TMEM232: variants seen among roughly 807,000 people sequenced by gnomAD.
TMEM232 encodes the protein transmembrane protein 232.
A neutral mutation model predicts 78.8 loss-of-function variants in TMEM232; 80 were observed. The ratio of observed to expected loss-of-function variants is 1.01; its 90% CI spans 0.85 to 1.22. The LOEUF is 1.22. Ranked by LOEUF, TMEM232 falls within the 50% of genes most tolerant of loss-of-function variation. The pLI is 0.00. For synonymous variants in TMEM232, 297 were observed against 254.3 expected (o/e 1.17, Z -1.60); for missense variants, 881 against 742.2 (o/e 1.19, Z -2.17).
At chr5:110,659,476 C>A (rs1029556842) in intron 2 of TMEM232, among the ~76,000 whole-genome samples, 16 of 152,056 alleles carry the variant, frequency 1.1e-4, no homozygotes, top group Non-Finnish European at 2.1e-4. Flanking sequence ...GGGAGAGAAG[C>A]TAATGCAAAG....
chr5:110,684,303 C>A (rs1333464282), intron 1 of TMEM232, among the ~76,000 whole-genome samples: 1 of 151,852 alleles, frequency 6.6e-6, no homozygotes, highest in Non-Finnish European at 1.5e-5. Context: ...ATTAAAATCT[C>A]TGAAGAATCT....
At chr5:110,671,686 G>A (rs111311646) in intron 1 of TMEM232, among the ~76,000 whole-genome samples, 1,989 of 152,202 alleles carry the variant, frequency 0.013, 36 homozygotes, top group African/African-American at 0.045. Context: ...ATAAGTGGGA[G>A]TTGAACACTG....
At chr5:110,423,037 G>A (rs777969274) in intron 13 of TMEM232, among the ~76,000 whole-genome samples, 9 of 152,110 alleles carry the variant, frequency 5.9e-5, no homozygotes, top group African/African-American at 2.2e-4. Flanking sequence ...TAAGCAATGA[G>A]GTATATTTTC....
At chr5:110,571,857 G>A (rs1776979923) in intron 10 of TMEM232, among the ~76,000 whole-genome samples, 1 of 151,886 alleles carries the variant, frequency 6.6e-6, no homozygotes, top group South Asian at 2.1e-4. Flanking sequence ...AGATAAAGGG[G>A]ATCAGATTAA....
chr5:110,635,696 T>C (rs1390969212), intron 5 of TMEM232, among the ~76,000 whole-genome samples: 1 of 151,778 alleles, frequency 6.6e-6, no homozygotes, highest in East Asian at 1.9e-4. Context: ...AAAGACCATA[T>C]ACCACAATTA....
downstream of TMEM232, among the ~76,000 whole-genome samples, chr5:110,415,974 A>AT (rs1278547350): frequency 6.6e-6 from 1 of 152,142 alleles, no homozygotes; most frequent in Non-Finnish European, 1.5e-5. Context: ...TTTTATTTTT[A>AT]TTTTGGCTTT....
intron 12 of TMEM232, among the ~76,000 whole-genome samples, chr5:110,439,237 T>C (rs1758765879): frequency 6.6e-6 from 1 of 152,184 alleles, no homozygotes; most frequent in Admixed American, 6.6e-5. Flanking sequence ...TGAAACAGTT[T>C]CCTTGGCTAC....
Position 110,527,433 on chromosome 5 carries a change from T to C in TMEM232, c.1703+1155A>G, listed in dbSNP as rs946049041. ...AGTCAAGTGAAAAATAAATAATAAATACATAAGAAAGTATATATTCAGGAA... is the reference window on the plus strand; with the variant it reads ...AGTCAAGTGAAAAATAAATAATAAACACATAAGAAAGTATATATTCAGGAA... On this transcript the variant is annotated intron_variant, in intron 12 of 13. Transcript: ENST00000455884. 7.2e-5 allele frequency among the ~76,000 whole-genome samples: 11 copies of C among 151,856 alleles called. No homozygotes were observed. The East Asian group carries it at 1.9e-3, about 27-fold the overall frequency.
intron 12 of TMEM232, among the ~76,000 whole-genome samples, chr5:110,516,853 A>T (rs548049520): frequency 8.7e-4 from 132 of 152,162 alleles, no homozygotes; most frequent in African/African-American, 3.1e-3. Flanking sequence ...TTTGGAAAAA[A>T]TTATGGGTCA....
chr5:110,583,424 G>T (rs1157592272), intron 10 of TMEM232, among the ~76,000 whole-genome samples: 2 of 151,674 alleles, frequency 1.3e-5, no homozygotes, highest in Non-Finnish European at 2.9e-5. Context: ...ATGGTGTTGG[G>T]GAAACTGGAT....
At chr5:110,388,145 T>A (rs1424680959) in intron 4 of TMEM232, 1 of 152,182 alleles carries the variant, frequency 6.6e-6, no homozygotes, top group Admixed American at 6.5e-5. Flanking sequence ...CAGCAGATTT[T>A]ATTGGCAGGC....
intron 3 of TMEM232, among the ~76,000 whole-genome samples, chr5:110,392,655 A>T (rs1300887847): frequency 6.6e-6 from 1 of 152,274 alleles, no homozygotes; most frequent in East Asian, 1.9e-4. Flanking sequence ...TCTTATAAGG[A>T]TATTAATGAC....
In TMEM232 at chr5:110,638,295, G is replaced by A; in HGVS notation, c.404C>T (p.Pro135Leu). The change falls in exon 5 of 14, where the codon CCT becomes CTT. Residue 135 changes from proline (P) to leucine (L), a missense_variant. Pro to Leu is a moderately conservative substitution (Grantham distance 98, BLOSUM62 -3). Coordinates refer to ENST00000455884, the MANE Select transcript of TMEM232 (RefSeq NM_001039763.4). ...DHASFDYDHL[P>L]ALFFVAESVL... ...CGATTCCGCAACAAAAAATAAGGCAGGCAGATGATCATAATCAAAGGAAGC... is the reference window on the plus strand; with the variant it reads ...CGATTCCGCAACAAAAAATAAGGCAAGCAGATGATCATAATCAAAGGAAGC... 3 of 1,550,910 alleles carry A rather than the reference G, an allele frequency of 1.9e-6. No homozygotes were observed. Among genetic ancestry groups the A allele is most frequent in the African/African-American group, 1.4e-5 (1 of 73,054 alleles).
chr5:110,627,851 A>G lies in TMEM232; in HGVS notation c.531T>C (p.Phe177=). 1.2e-5 allele frequency: 19 copies of G among 1,536,678 alleles called. No homozygotes were observed. Among genetic ancestry groups the G allele is most frequent in the Non-Finnish European group, 1.5e-5 (17 of 1,143,116 alleles). Residue 177 remains phenylalanine (F), a synonymous_variant, in exon 6 of 14, where the codon TTT becomes TTC. Coordinates refer to ENST00000455884, the MANE Select transcript of TMEM232 (RefSeq NM_001039763.4). ...CTAGATGACCATGCAGGAAAAATAT[A>G]AAAAGTCGTAAGAAGACCAAATAGC... is the stretch of plus-strand genomic sequence containing the variant. ...KIGYLVFLRL[F]IFFLHGHLES...
At chr5:110,584,877 AT>A (rs1778630030) in intron 10 of TMEM232, among the ~76,000 whole-genome samples, 1 of 151,946 alleles carries the variant, frequency 6.6e-6, no homozygotes, top group Non-Finnish European at 1.5e-5. Context: ...AATCTATCTT[AT>A]TTTTTCTTCT....
intron 2 of TMEM232, among the ~76,000 whole-genome samples, chr5:110,647,083 T>C (rs1198858682): frequency 6.6e-6 from 1 of 151,896 alleles, no homozygotes; most frequent in Non-Finnish European, 1.5e-5. Flanking sequence ...TTTTGCAAAT[T>C]TGCCTACACG....
intron 10 of TMEM232, among the ~76,000 whole-genome samples, chr5:110,570,053 A>G (rs1228380189): frequency 6.6e-6 from 1 of 151,974 alleles, no homozygotes; most frequent in Non-Finnish European, 1.5e-5. Flanking sequence ...CATGTTTTAC[A>G]AGTAATAGGA....
At chr5:110,730,175 C>CA (rs67756945), upstream of TMEM232, among the ~76,000 whole-genome samples, 14,042 of 152,146 alleles carry the variant, frequency 0.092, 752 homozygotes, top group South Asian at 0.2. Flanking sequence ...TGCTTGGAAT[C>CA]AAGGCTATTA....
At chr5:110,610,953 G>A (rs543442273) in intron 8 of TMEM232, among the ~76,000 whole-genome samples, 44 of 152,182 alleles carry the variant, frequency 2.9e-4, no homozygotes, top group African/African-American at 9.9e-4. Flanking sequence ...TTCAAGCTAA[G>A]AAAGAAATTA....
Sources: gnomAD v4.1 joint callset for allele counts (sites outside exome capture counted in the v4.1 genomes callset) on GRCh38, gnomAD v4.1.1 for gene constraint, MANE v1.5 for transcripts, NCBI Gene and HGNC (gene_info 2026-07-23, HGNC 2026-07-21) for gene names.